PTPRD: variants seen among roughly 807,000 people sequenced by gnomAD.
PTPRD encodes the protein protein tyrosine phosphatase receptor type D.
Under a neutral mutation model 214.5 loss-of-function variants are expected in PTPRD, and 34 were observed. The ratio of observed to expected loss-of-function variants is 0.16; its 90% CI spans 0.12 to 0.21. The LOEUF is 0.21. Ranked by LOEUF, PTPRD falls within the 10% of genes least tolerant of loss-of-function variation. PTPRD has a pLI of 1.00. For missense variants in PTPRD, 2,545 were observed against 2,398.7 expected, an observed-to-expected ratio of 1.06 and a Z score of -1.27; for synonymous variants, 1,128 against 845.7, an observed-to-expected ratio of 1.33 and a Z score of -5.79.
intron 8 of PTPRD, among the ~76,000 whole-genome samples, chr9:9,520,050 T>C (rs2096929233): frequency 6.6e-6 from 1 of 151,994 alleles, no homozygotes. Context: ...TTCAAAACAT[T>C]GGTAGTTCAA....
At chr9:10,194,341 TATATAGAGAGAGAG>T (rs1289011784) in intron 3 of PTPRD, among the ~76,000 whole-genome samples, 194 of 58,992 alleles carry the variant, frequency 3.3e-3, no homozygotes, top group Middle Eastern at 8.5e-3. Context: ...TATATATATA[TATATAGAGAGAGAG>T]AGAGAGAGAG....
intron 9 of PTPRD, among the ~76,000 whole-genome samples, chr9:9,357,689 A>C (rs1173803169): frequency 1.3e-5 from 2 of 149,218 alleles, no homozygotes; most frequent in Non-Finnish European, 1.5e-5. Flanking sequence ...AAATCAGAGG[A>C]TGTGCTGCTC....
At chr9:8,373,842 A>ATGTG (rs761950131) in intron 39 of PTPRD, among the ~76,000 whole-genome samples, 12 of 105,920 alleles carry the variant, frequency 1.1e-4, no homozygotes, top group Non-Finnish European at 1.6e-4. Context: ...GTATGTATGT[A>ATGTG]TGTATGTGTA....
chr9:9,136,971 AG>A (rs1401823311), intron 10 of PTPRD, among the ~76,000 whole-genome samples: 9 of 152,274 alleles, frequency 5.9e-5, no homozygotes, highest in Middle Eastern at 3.4e-3. Flanking sequence ...CTGGCAGTGC[AG>A]TGAGAGAAAG....
chr9:8,407,197 T>C (rs2093068977), intron 35 of PTPRD, among the ~76,000 whole-genome samples: 2 of 152,240 alleles, frequency 1.3e-5, no homozygotes, highest in South Asian at 4.1e-4. Context: ...GTGTGGCCCA[T>C]GAGATGAAGA....
intron 2 of PTPRD, among the ~76,000 whole-genome samples, chr9:10,455,137 A>G (rs981751408): frequency 1.3e-5 from 2 of 151,730 alleles, no homozygotes; most frequent in Non-Finnish European, 1.5e-5. Context: ...AAAGCTTATC[A>G]ATGATCTTCT....
chr9:8,736,725 G>T (rs1009200903), intron 11 of PTPRD, among the ~76,000 whole-genome samples: 1 of 150,914 alleles, frequency 6.6e-6, no homozygotes. Flanking sequence ...TAAACAGTGG[G>T]TTGGCATGAA....
chr9:8,532,199 C>A (rs918106663), intron 14 of PTPRD, among the ~76,000 whole-genome samples: 1 of 151,982 alleles, frequency 6.6e-6, no homozygotes, highest in African/African-American at 2.4e-5. Context: ...AGCTGTTACA[C>A]GTTGACAGTT....
chr9:8,941,122 A>G (rs748537021), intron 11 of PTPRD, among the ~76,000 whole-genome samples: 2 of 152,182 alleles, frequency 1.3e-5, no homozygotes, highest in Admixed American at 1.3e-4. Flanking sequence ...CAGGTAAATG[A>G]ACTTTATGCT....
intron 43 of PTPRD, 83 bp from the exon 44 acceptor site, chr9:8,331,819 T>TTTTCA: frequency 1.4e-6 from 2 of 1,429,896 alleles, no homozygotes; most frequent in Non-Finnish European, 9.1e-7. Flanking sequence ...AGAACAATCA[T>TTTTCA]TTTCATTTCC....
At chr9:9,601,765 A>G (rs2093787524) in intron 7 of PTPRD, among the ~76,000 whole-genome samples, 1 of 152,108 alleles carries the variant, frequency 6.6e-6, no homozygotes, top group Non-Finnish European at 1.5e-5. Flanking sequence ...GGTGGAAACT[A>G]CATTACAGCA....
At chr9:8,482,382 G>C (rs2096905947) in intron 30 of PTPRD, among the ~76,000 whole-genome samples, 1 of 151,968 alleles carries the variant, frequency 6.6e-6, no homozygotes, top group Non-Finnish European at 1.5e-5. Context: ...TATTTGCCTA[G>C]AGTCAACTAT....
intron 3 of PTPRD, among the ~76,000 whole-genome samples, chr9:10,112,452 A>C (rs527718137): frequency 6.7e-6 from 1 of 150,172 alleles, no homozygotes; most frequent in Admixed American, 6.7e-5. Flanking sequence ...GTCAAGCTTT[A>C]ATCTTGGCAC....
At chr9:8,858,350 G>A (rs118077803) in intron 11 of PTPRD, 13,067 of 152,846 alleles carry the variant, frequency 0.085, 790 homozygotes, top group Middle Eastern at 0.16. Flanking sequence ...GCTCGTGGGG[G>A]GAGAGGGGTG....
At chr9:10,479,716 T>C (rs1220633393) in intron 2 of PTPRD, among the ~76,000 whole-genome samples, 1 of 149,454 alleles carries the variant, frequency 6.7e-6, no homozygotes, top group African/African-American at 2.5e-5. Flanking sequence ...TCCCAGCTAC[T>C]TGGGAGGCTG....
At chr9:10,481,762 A>T (rs2099099409) in intron 2 of PTPRD, among the ~76,000 whole-genome samples, 1 of 152,176 alleles carries the variant, frequency 6.6e-6, no homozygotes. Context: ...AAAATCTCAG[A>T]ATATAGAGAC....
chr9:9,358,478 A>G (rs2054718276), intron 9 of PTPRD, among the ~76,000 whole-genome samples: 1 of 151,356 alleles, frequency 6.6e-6, no homozygotes, highest in African/African-American at 2.4e-5. Flanking sequence ...TCCAGGAAGA[A>G]TTTGGAAAAG....
chr9:10,471,214 G>C (rs568219775), intron 2 of PTPRD, among the ~76,000 whole-genome samples: 1 of 151,948 alleles, frequency 6.6e-6, no homozygotes, highest in Non-Finnish European at 1.5e-5. Context: ...GTTGATGGGG[G>C]CAGCAAACCA....
chr9:8,890,331 A>G (rs1233631483), intron 11 of PTPRD, among the ~76,000 whole-genome samples: 1 of 152,206 alleles, frequency 6.6e-6, no homozygotes, highest in Non-Finnish European at 1.5e-5. Context: ...TGTGCTAGGA[A>G]GTAAGAGATA....
Sources: allele counts gnomAD v4.1 joint callset (sites outside exome capture counted in the v4.1 genomes callset), GRCh38; gene constraint gnomAD v4.1.1; transcripts MANE v1.5; gene names NCBI Gene and HGNC (gene_info 2026-07-23, HGNC 2026-07-21).